The following SNX29 variants were observed in gnomAD, a reference collection of about 807,000 sequenced individuals.
SNX29 encodes sorting nexin 29.
SNX29 carries 78 observed loss-of-function variants against 102.1 expected under a neutral mutation model. The ratio of observed to expected loss-of-function variants is 0.76; its 90% CI spans 0.64 to 0.92. The LOEUF is 0.92. Ranked by LOEUF, SNX29 falls within the 40% of genes least tolerant of loss-of-function variation. The probability of loss-of-function intolerance (pLI) is 0.00; values close to 1 mark genes in which losing one functional copy is unlikely to be tolerated. For synonymous variants in SNX29, 580 were observed against 414.5 expected, an observed-to-expected ratio of 1.40 and a Z score of -4.85; for missense variants, 1,280 against 1,061.7, an observed-to-expected ratio of 1.21 and a Z score of -2.86.
chr16:12,310,037 T>C (rs1489994265), intron 15 of SNX29, among the ~76,000 whole-genome samples: 1 of 73,764 alleles, frequency 1.4e-5, no homozygotes, highest in East Asian at 5.6e-4. Context: ...CATGGATGTG[T>C]GCACACATAT....
intron 15 of SNX29, among the ~76,000 whole-genome samples, chr16:12,317,915 A>G (rs1487811228): frequency 6.6e-6 from 1 of 152,240 alleles, no homozygotes; most frequent in Non-Finnish European, 1.5e-5. Context: ...GAGAGCTGAA[A>G]GGTATCAGCA....
intron 18 of SNX29, among the ~76,000 whole-genome samples, chr16:12,426,277 C>T (rs529740575): frequency 2.6e-5 from 4 of 152,176 alleles, no homozygotes; most frequent in Non-Finnish European, 5.9e-5. Flanking sequence ...CACGCTGTCT[C>T]TATGCCAGGA....
chr16:12,441,045 C>A (rs1281832989), intron 18 of SNX29, among the ~76,000 whole-genome samples: 2 of 150,832 alleles, frequency 1.3e-5, no homozygotes, highest in South Asian at 2.1e-4. Flanking sequence ...AGCGTAATAT[C>A]CTCAAGTTTC....
chr16:12,231,985 A>G (rs551374274), intron 14 of SNX29, among the ~76,000 whole-genome samples: 2 of 152,332 alleles, frequency 1.3e-5, no homozygotes, highest in Non-Finnish European at 2.9e-5. Context: ...AGGACTTGGT[A>G]TCAATAAAGA....
At chr16:12,356,408 C>G in intron 16 of SNX29, 129 bp downstream of exon 16, 1 of 716,288 alleles carries the variant, frequency 1.4e-6, no homozygotes, top group Non-Finnish European at 2.3e-6. Flanking sequence ...TCACCTCTGC[C>G]ACATTTGCTT....
chr16:12,051,699 A>C, intron 7 of SNX29, 148 bp from the exon 8 acceptor site: 1 of 1,205,402 alleles, frequency 8.3e-7, no homozygotes. Flanking sequence ...ACAGATTTTC[A>C]CTGAGGATTT....
chr16:12,554,273 G>A (rs1175433563), intron 20 of SNX29, among the ~76,000 whole-genome samples: 2 of 152,184 alleles, frequency 1.3e-5, no homozygotes, highest in Admixed American at 6.5e-5. Flanking sequence ...GTGCATCTGT[G>A]TATACATGGG....
At chr16:12,143,000 A>ATT (rs59548851) in intron 13 of SNX29, among the ~76,000 whole-genome samples, 3,612 of 141,540 alleles carry the variant, frequency 0.026, 157 homozygotes, top group African/African-American at 0.089. Context: ...AGCAAAGAAA[A>ATT]TTTTTTTTTT....
intron 18 of SNX29, among the ~76,000 whole-genome samples, chr16:12,422,850 A>G (rs2084924246): frequency 6.6e-6 from 1 of 152,216 alleles, no homozygotes; most frequent in Admixed American, 6.5e-5. Flanking sequence ...TGGAGCTGGG[A>G]TTCACAGTCT....
intron 20 of SNX29, among the ~76,000 whole-genome samples, chr16:12,559,161 A>T (rs1324565266): frequency 2.0e-5 from 3 of 152,140 alleles, no homozygotes; most frequent in African/African-American, 7.2e-5. Flanking sequence ...GCCCAGTACC[A>T]GTCCATAGCC....
intron 20 of SNX29, among the ~76,000 whole-genome samples, chr16:12,555,056 T>G (rs1597990977): frequency 6.6e-6 from 1 of 151,264 alleles, no homozygotes; most frequent in Non-Finnish European, 1.5e-5. Flanking sequence ...CTCAAGAGGC[T>G]GGTTGGAGTT....
At chr16:12,291,140 C>A (rs183046830) in intron 15 of SNX29, among the ~76,000 whole-genome samples, 1 of 152,062 alleles carries the variant, frequency 6.6e-6, no homozygotes, top group African/African-American at 2.4e-5. Flanking sequence ...TTAGTGCTTT[C>A]CTCTTCCCTT....
At chr16:12,472,642 T>C (rs2087413079) in intron 18 of SNX29, among the ~76,000 whole-genome samples, 1 of 151,576 alleles carries the variant, frequency 6.6e-6, no homozygotes, top group African/African-American at 2.4e-5. Context: ...TCAAGTCTCA[T>C]AGGAACACTC....
rs181284981 is a variant in SNX29 at position 12,325,821 on chromosome 16, G to A, written c.1783-30342G>A. On this transcript the variant is annotated intron_variant, in intron 15 of 20. Coordinates refer to ENST00000566228, the MANE Select transcript of SNX29 (RefSeq NM_032167.5). ...GCAGGAGAATTGCTTAAGGCCAGGAGTTCAAGACCAGCCTGGACAACACAA... is the reference window on the plus strand; with the variant it reads ...GCAGGAGAATTGCTTAAGGCCAGGAATTCAAGACCAGCCTGGACAACACAA... Among the ~76,000 whole-genome samples, 364 of 152,120 alleles carry A rather than the reference G, an allele frequency of 2.4e-3. 3 individuals are homozygous for A. The highest frequency in any genetic ancestry group is 0.017 in the South Asian group (83 of 4,796).
At chr16:12,548,598 G>C (rs183855001) in intron 20 of SNX29, among the ~76,000 whole-genome samples, 2 of 152,120 alleles carry the variant, frequency 1.3e-5, no homozygotes, top group Admixed American at 6.6e-5. Context: ...CTCCAGGCCC[G>C]GGTACTCTGT....
chr16:12,063,510 G>A (rs2050880673), intron 9 of SNX29, among the ~76,000 whole-genome samples: 2 of 151,552 alleles, frequency 1.3e-5, no homozygotes, highest in African/African-American at 4.8e-5. Context: ...GATTAGCTGG[G>A]ATTACAGGCA....
intron 15 of SNX29, among the ~76,000 whole-genome samples, chr16:12,318,267 G>A (rs535295336): frequency 6.6e-6 from 1 of 152,224 alleles, no homozygotes; most frequent in African/African-American, 2.4e-5. Context: ...TTGTTGAACC[G>A]TAAGCAGCAG....
chr16:12,057,020 C>T (rs887815695), intron 8 of SNX29, among the ~76,000 whole-genome samples: 1 of 152,032 alleles, frequency 6.6e-6, no homozygotes, highest in Non-Finnish European at 1.5e-5. Flanking sequence ...CAAGGCATTG[C>T]TCAGGTTGGT....
At chr16:12,353,208 G>T (rs1597040133) in intron 15 of SNX29, among the ~76,000 whole-genome samples, 1 of 152,180 alleles carries the variant, frequency 6.6e-6, no homozygotes, top group Non-Finnish European at 1.5e-5. Flanking sequence ...TAGCAACTCT[G>T]TGGTGCTCTT....
Sources: allele counts gnomAD v4.1 joint callset (sites outside exome capture counted in the v4.1 genomes callset), GRCh38; gene constraint gnomAD v4.1.1; transcripts MANE v1.5; gene names NCBI Gene and HGNC (gene_info 2026-07-23, HGNC 2026-07-21).